Variants in COL9A3 observed in about 807,000 individuals in gnomAD.
The protein encoded by COL9A3 is collagen type IX alpha 3 chain.
In COL9A3, 82 loss-of-function variants were observed where a neutral mutation model predicts 110.2. That is an observed-to-expected ratio of 0.74 (90% CI 0.62 to 0.89). The LOEUF (loss-of-function observed/expected upper bound fraction) is 0.89, where lower values mean the gene tolerates loss of function less well. Among genes scored for constraint, COL9A3 ranks in the 40% least tolerant of loss-of-function variants. COL9A3 has a pLI of 0.00. For missense variants in COL9A3, 1,066 were observed against 981.3 expected (o/e 1.09, Z -1.15); for synonymous variants, 494 against 403.8 (o/e 1.22, Z -2.68).
chr20:62,830,275 G>T (rs2063585094), intron 22 of COL9A3, 85 bp from the exon 23 acceptor site: 1 of 1,472,300 alleles, frequency 6.8e-7, no homozygotes, highest in Admixed American at 2.0e-5. Flanking sequence ...CCACTCTGGG[G>T]GAAGGCTGAG....
rs1422176468 is a variant in COL9A3 at position 62,828,783 on chromosome 20, G to A, written c.920G>A (p.Gly307Asp). The A allele has an allele frequency of 6.2e-7, 1 of 1,612,716 alleles. No homozygotes were observed. The highest frequency in any genetic ancestry group is 2.2e-5 in the East Asian group (1 of 44,884). Residue 307 changes from glycine (G) to aspartate (D), a missense_variant, in exon 18 of 32, where the codon GGC becomes GAC. Gly to Asp is a moderately conservative substitution (Grantham distance 94). Transcript: ENST00000649368. The part of the protein sequence containing the change: ...SGEPGMPGKD[G>D]QNGVPGLDGQ... ...CCCCAGGGCATGCCGGGCAAGGACGGCCAGAATGGCGTGCCAGGACTCGAT... is the reference window on the plus strand; with the variant it reads ...CCCCAGGGCATGCCGGGCAAGGACGACCAGAATGGCGTGCCAGGACTCGAT...
chr20:62,841,096 TTAA>T lies in COL9A3; in HGVS notation c.*366_*368del, dbSNP rs1435556341. Reference sequence around the variant, plus strand: ...TAAAATGATATATTAAACCTTCAGATTAATGACTGGCTACAGAGTAACAAAAAA... The same window carrying T: ...TAAAATGATATATTAAACCTTCAGATTGACTGGCTACAGAGTAACAAAAAA... On this transcript the variant is annotated 3_prime_UTR_variant, in exon 32 of 32. Transcript: ENST00000649368. The T allele has an allele frequency of 3.8e-5, 9 of 237,152 alleles. No homozygotes were observed. The East Asian group carries it at 8.1e-4, about 21-fold the overall frequency. 14.7% of individuals were successfully genotyped at this position (237,152 alleles called of 1,614,324 possible). A position where few individuals can be genotyped will look rare whatever the true frequency, so the allele number is the denominator to read the frequency against.
chr20:62,825,274 G>T (rs1231877296), intron 12 of COL9A3, among the ~76,000 whole-genome samples: 1 of 152,182 alleles, frequency 6.6e-6, no homozygotes, highest in Non-Finnish European at 1.5e-5. Flanking sequence ...GGCCTGGCTG[G>T]TCAGAGCTGG....
Position 62,840,800 on chromosome 20 carries a change from G to A in COL9A3, c.*68G>A. 3.3e-6 allele frequency: 5 copies of A among 1,532,744 alleles called. No homozygotes were observed. Among genetic ancestry groups the A allele is most frequent in the South Asian group, 1.2e-5 (1 of 83,482 alleles). The allele number at this position is 1,532,744 out of a possible 1,614,324, so 94.9% of individuals were successfully genotyped here. On this transcript the variant is annotated 3_prime_UTR_variant, in exon 32 of 32. Transcript: ENST00000649368. ...AGTGGACGGTCATGAAGGAGCGGGG[G>A]TGTGGCAGGCGGGTGACGTCCAGGA...
intron 24 of COL9A3, 82 bp from the exon 25 acceptor site, chr20:62,832,071 GT>G (rs1260182031): frequency 5.1e-6 from 7 of 1,364,100 alleles, no homozygotes; most frequent in Admixed American, 5.0e-5. Context: ...GTGGGGAGGT[GT>G]TTACCATTCC....
chr20:62,830,362 G>A lies in COL9A3; in HGVS notation c.1164G>A (p.Gly388=), dbSNP rs762141393. ...CACACCTCACCTTTGTCTTCCAGGG[G>A]GCCCTCGGCCCACAAGGCCCTCCCG... is the stretch of plus-strand genomic sequence containing the variant. ...RGEAGHRGSA[G]ALGPQGPPGA... is the part of the protein sequence containing the mutation. The change falls in exon 23 of 32, where the codon GGG becomes GGA. Residue 388 remains glycine (G), a splice_region_variant and synonymous_variant. Transcript: ENST00000649368. 3.2e-6 allele frequency: 5 copies of A among 1,571,066 alleles called. No homozygotes were observed. Among genetic ancestry groups the A allele is most frequent in the Non-Finnish European group, 4.3e-6 (5 of 1,157,712 alleles).
rs557569181 is a variant in COL9A3, at chr20:62,830,386, C to G, written c.1188C>G (p.Pro396=). The G allele has an allele frequency of 5.1e-6, 8 of 1,572,996 alleles. No individual in the cohort carries two copies. The highest frequency in any genetic ancestry group is 6.9e-6 in the Non-Finnish European group (8 of 1,159,006). The part of the protein sequence containing the change: ...SAGALGPQGP[P]GAPGVRGFQG... Reference sequence around the variant, plus strand: ...GGGCCCTCGGCCCACAAGGCCCTCCCGGAGCCCCTGGTGTCCGAGGCTTCC... The same window carrying G: ...GGGCCCTCGGCCCACAAGGCCCTCCGGGAGCCCCTGGTGTCCGAGGCTTCC... The change falls in exon 23 of 32, where the codon CCC becomes CCG. Residue 396 remains proline, a synonymous_variant. Transcript: ENST00000649368.
intron 26 of COL9A3, among the ~76,000 whole-genome samples, chr20:62,835,112 C>T (rs553837731): frequency 1.2e-4 from 18 of 152,322 alleles, no homozygotes; most frequent in African/African-American, 3.6e-4. Context: ...ACCCCCTACC[C>T]TCCTGGCCTC....
chr20:62,827,935 C>T lies in COL9A3; in HGVS notation c.859C>T (p.Pro287Ser). 6.2e-7 allele frequency: 1 copy of T among 1,612,950 alleles called. No homozygotes were observed. The highest frequency in any genetic ancestry group is 8.5e-7 in the Non-Finnish European group (1 of 1,179,992). The change falls in exon 17 of 32, where the codon CCC becomes TCC. Residue 287 changes from proline to serine, a missense_variant. Pro to Ser is a moderately conservative substitution (Grantham distance 74, BLOSUM62 -1). Transcript: ENST00000649368. Reference sequence around the variant, plus strand: ...GTGTGTCCTCTAGGGCAGACCTGGTCCCAAGGGAACCCCCGGAGTGGCCGG... The same window carrying T: ...GTGTGTCCTCTAGGGCAGACCTGGTTCCAAGGGAACCCCCGGAGTGGCCGG... ...GPKGDLGRPGPKGTPGVAGPS... is the reference protein window; with the variant it reads ...GPKGDLGRPGSKGTPGVAGPS...
At position 62,819,258 on chromosome 20, in the gene COL9A3, G is replaced by A; in HGVS notation, c.220G>A (p.Gly74Arg). ...GGCCCCAGGAAAGCCGGGGAAACCAGGAGAGGCTGGGCTGCCGGGACTGCC... is the reference window on the plus strand; with the variant it reads ...GGCCCCAGGAAAGCCGGGGAAACCAAGAGAGGCTGGGCTGCCGGGACTGCC... ...KGAPGKPGKP[G>R]EAGLPGLPGV... The change falls in exon 4 of 32, where the codon GGA becomes AGA. Residue 74 changes from glycine to arginine, a missense_variant. By Grantham distance (125) the Gly-to-Arg change is moderately radical (BLOSUM62 -2). Transcript: ENST00000649368. The A allele has an allele frequency of 6.2e-7, 1 of 1,612,582 alleles. No individual in the cohort carries two copies. Among genetic ancestry groups the A allele is most frequent in the Non-Finnish European group, 8.5e-7 (1 of 1,179,942 alleles).
intron 2 of COL9A3, chr20:62,817,836 G>GTC: frequency 1.5e-6 from 1 of 680,336 alleles, no homozygotes; most frequent in Non-Finnish European, 2.7e-6. Context: ...AGGGTGTCAT[G>GTC]TGGTGGTCCT....
At chr20:62,824,871 C>T in intron 11 of COL9A3, 97 bp from the exon 12 acceptor site, 9 of 1,300,112 alleles carry the variant, frequency 6.9e-6, no homozygotes, top group Non-Finnish European at 9.8e-6. Flanking sequence ...GTGTGGCGGG[C>T]CCTGGGCTGA....
Position 62,821,787 on chromosome 20 carries a change from G to A in COL9A3, c.400G>A (p.Gly134Arg). 1.2e-6 allele frequency: 2 copies of A among 1,610,026 alleles called. No individual in the cohort carries two copies. The highest frequency in any genetic ancestry group is 8.5e-7 in the Non-Finnish European group (1 of 1,178,442). Reference sequence around the variant, plus strand: ...GGCAGGAGTGAGCGGCCCCCCAGGTGGGATCGGCCTCCGCGGCCCCCCGGT... The same window carrying A: ...GGCAGGAGTGAGCGGCCCCCCAGGTAGGATCGGCCTCCGCGGCCCCCCGGT... The part of the protein sequence containing the change: ...GEAGVSGPPG[G>R]IGLRGPPGPS... Residue 134 changes from glycine to arginine, a missense_variant, in exon 8 of 32, where the codon GGG becomes AGG. Physicochemically the swap from Gly to Arg is moderately radical, Grantham distance 125 (BLOSUM62 -2). Coordinates refer to ENST00000649368, the MANE Select transcript of COL9A3 (RefSeq NM_001853.4).
At chr20:62,819,793 G>A in intron 4 of COL9A3, 136 bp from the exon 5 acceptor site, 1 of 946,186 alleles carries the variant, frequency 1.1e-6, no homozygotes, top group Non-Finnish European at 1.7e-6. Context: ...AGGGCCAAGA[G>A]AGGAGGCTGC....
At chr20:62,838,801 C>G in intron 31 of COL9A3, 40 bp downstream of exon 31, 1 of 1,485,016 alleles carries the variant, frequency 6.7e-7, no homozygotes, top group Non-Finnish European at 9.2e-7. Context: ...TGGGTGACAT[C>G]TCTTCCGCCA....
chr20:62,829,063 T>C (rs2063575868), intron 19 of COL9A3, 87 bp downstream of exon 19: 16 of 1,412,980 alleles, frequency 1.1e-5, no homozygotes, highest in Middle Eastern at 2.4e-4. Flanking sequence ...GGTTGGTCAC[T>C]GTAGGGCCGA....
In COL9A3 at chr20:62,837,217, C is replaced by G. The variant is rs781030374; in HGVS notation, c.1738C>G (p.Pro580Ala). 4.3e-6 allele frequency: 7 copies of G among 1,612,318 alleles called. No homozygotes were observed. Among genetic ancestry groups the G allele is most frequent in the African/African-American group, 1.3e-5 (1 of 75,032 alleles). Residue 580 changes from proline (P) to alanine (A), a missense_variant, in exon 30 of 32, where the codon CCT becomes GCT. Transcript: ENST00000649368. ...TGGTCACCCTGGCGCTCGAGGACCC[C>G]CTGGATACCGCGGTCCCACTGGGGA... The part of the protein sequence containing the change: ...SIGHPGARGP[P>A]GYRGPTGELG...
At chr20:62,821,874 C>T in intron 8 of COL9A3, 64 bp downstream of exon 8, 4 of 908,408 alleles carry the variant, frequency 4.4e-6, no homozygotes, top group Non-Finnish European at 7.2e-6. Flanking sequence ...CCAGACTCAA[C>T]AGCCAGGGGC....
chr20:62,838,802 T>G, intron 31 of COL9A3, 41 bp downstream of exon 31: 1 of 1,472,266 alleles, frequency 6.8e-7, no homozygotes, highest in Non-Finnish European at 9.3e-7. Flanking sequence ...GGGTGACATC[T>G]CTTCCGCCAT....
Sources: gnomAD v4.1 joint callset for allele counts (sites outside exome capture counted in the v4.1 genomes callset) on GRCh38, gnomAD v4.1.1 for gene constraint, MANE v1.5 for transcripts, NCBI Gene and HGNC (gene_info 2026-07-23, HGNC 2026-07-21) for gene names.